The following LIN28B variants were observed in gnomAD, a reference collection of about 807,000 sequenced individuals.
The protein encoded by LIN28B is protein lin-28 homolog B.
Under a neutral mutation model 21.9 loss-of-function variants are expected in LIN28B, and 5 were observed. That is an observed-to-expected ratio of 0.23 (90% CI 0.12 to 0.48). The LOEUF is 0.48. Among genes scored for constraint, LIN28B ranks in the 20% least tolerant of loss-of-function variants. LIN28B has a pLI of 0.98. For synonymous variants in LIN28B, 109 were observed against 111.3 expected, an observed-to-expected ratio of 0.98 and a Z score of 0.13; for missense variants, 245 against 310.5, an observed-to-expected ratio of 0.79 and a Z score of 1.58.
intron 2 of LIN28B, among the ~76,000 whole-genome samples, chr6:104,976,857 T>C (rs2114598883): frequency 6.6e-6 from 1 of 152,326 alleles, no homozygotes. Context: ...GACCAGCTTG[T>C]AGCAGGCAGG....
chr6:104,957,249 A>G lies in LIN28B; in HGVS notation c.-2A>G, dbSNP rs976179896. 4 of 1,611,300 alleles carry G rather than the reference A, an allele frequency of 2.5e-6. No homozygotes were observed. The highest frequency in any genetic ancestry group is 1.1e-5 in the South Asian group (1 of 90,900). ...TTTGGAGCTGAGGGCCCGTGGGGCA[A>G]CATGGCCGAAGGTTAATTTTCTTTT... On this transcript the variant is annotated 5_prime_UTR_variant, in exon 1 of 4. Coordinates refer to ENST00000345080, the MANE Select transcript of LIN28B (RefSeq NM_001004317.4).
At chr6:104,948,312 G>C (rs395523) in intron 2 of LIN28B, among the ~76,000 whole-genome samples, 107,754 of 151,794 alleles carry the variant, frequency 0.71, 38,388 homozygotes, top group African/African-American at 0.76. Context: ...ACTAAAAATA[G>C]AAAAATTAGC....
chr6:105,076,230 T>A (rs1231433488), intron 3 of LIN28B, among the ~76,000 whole-genome samples: 1 of 152,084 alleles, frequency 6.6e-6, no homozygotes. Context: ...GATTTCTTGT[T>A]TTTTTTTCTC....
In LIN28B at chr6:104,958,116, G is replaced by A. The variant is rs367859402; in HGVS notation, c.28G>A (p.Gly10Ser). The change falls in exon 2 of 4, where the codon GGT (glycine) becomes AGT (serine). Residue 10 changes from glycine (G) to serine (S), a missense_variant. Gly to Ser is a moderately conservative substitution (Grantham distance 56). Transcript: ENST00000345080. ...CTTCTCAGGCGGGGCTAGCAAAGGT[G>A]GTGGAGAAGAGCCCGGGAAGCTGCC... MAEGGASKG[G>S]GEEPGKLPEP... 1.3e-6 allele frequency: 2 copies of A among 1,595,920 alleles called. No homozygotes were observed. The highest frequency in any genetic ancestry group is 1.7e-6 in the Non-Finnish European group (2 of 1,167,288).
chr6:105,025,286 C>T (rs1204999840), intron 2 of LIN28B, among the ~76,000 whole-genome samples: 1 of 151,968 alleles, frequency 6.6e-6, no homozygotes, highest in Non-Finnish European at 1.5e-5. Flanking sequence ...GTAAAATGTA[C>T]ACAGAGGGGT....
At chr6:104,976,897 A>G (rs552605490) in intron 2 of LIN28B, among the ~76,000 whole-genome samples, 2 of 152,312 alleles carry the variant, frequency 1.3e-5, no homozygotes, top group Admixed American at 1.3e-4. Flanking sequence ...CTTACCCTGA[A>G]CATTGCTATT....
At chr6:105,019,649 G>A (rs1338235015) in intron 2 of LIN28B, among the ~76,000 whole-genome samples, 1 of 152,054 alleles carries the variant, frequency 6.6e-6, no homozygotes, top group Non-Finnish European at 1.5e-5. Context: ...GTTCTATTAG[G>A]AATCTTGGTT....
intron 2 of LIN28B, among the ~76,000 whole-genome samples, chr6:105,006,952 G>C (rs73521912): frequency 6.6e-6 from 1 of 152,184 alleles, no homozygotes; most frequent in Non-Finnish European, 1.5e-5. Context: ...CGGAAGACAA[G>C]GGTGACCAGA....
At chr6:104,955,981 A>T (rs1405141341), upstream of LIN28B, among the ~76,000 whole-genome samples, 1 of 152,162 alleles carries the variant, frequency 6.6e-6, no homozygotes, top group Non-Finnish European at 1.5e-5. Flanking sequence ...ACTGGGGGTC[A>T]GTTGAGGAAG....
intron 2 of LIN28B, among the ~76,000 whole-genome samples, chr6:105,003,207 G>A (rs1313247141): frequency 1.3e-5 from 2 of 152,160 alleles, no homozygotes; most frequent in African/African-American, 4.8e-5. Context: ...AAACGATCCT[G>A]CCCTTATTCA....
At chr6:105,041,143 C>A (rs932702358) in intron 3 of LIN28B, among the ~76,000 whole-genome samples, 12 of 151,956 alleles carry the variant, frequency 7.9e-5, no homozygotes, top group Non-Finnish European at 1.8e-4. Flanking sequence ...AACTCCTGGG[C>A]TCAAGCAATC....
At chr6:104,959,608 C>T (rs1438736900) in intron 2 of LIN28B, among the ~76,000 whole-genome samples, 1 of 152,164 alleles carries the variant, frequency 6.6e-6, no homozygotes, top group Non-Finnish European at 1.5e-5. Context: ...GAAGGATCAG[C>T]ATAATCTGTG....
intron 2 of LIN28B, among the ~76,000 whole-genome samples, chr6:105,011,093 A>T (rs1770913731): frequency 6.6e-6 from 1 of 152,214 alleles, no homozygotes; most frequent in South Asian, 2.1e-4. Context: ...TCTTTTCAAA[A>T]TGTTTATAAT....
At chr6:104,965,189 C>G (rs1476997295) in intron 2 of LIN28B, among the ~76,000 whole-genome samples, 1 of 152,120 alleles carries the variant, frequency 6.6e-6, no homozygotes, top group Non-Finnish European at 1.5e-5. Context: ...GATGTTAAGG[C>G]TTTTCATTAT....
chr6:104,981,244 C>T (rs975998133), intron 2 of LIN28B, among the ~76,000 whole-genome samples: 2 of 152,142 alleles, frequency 1.3e-5, no homozygotes, highest in African/African-American at 4.8e-5. Context: ...ACTTCTACCC[C>T]CACTCACTCT....
chr6:105,008,745 G>A (rs1021385535), intron 2 of LIN28B, among the ~76,000 whole-genome samples: 3 of 151,968 alleles, frequency 2.0e-5, no homozygotes, highest in Admixed American at 1.3e-4. Flanking sequence ...TCTACATAGC[G>A]GAAGCAGTTG....
At chr6:105,028,026 G>GT (rs1771323162) in intron 3 of LIN28B, among the ~76,000 whole-genome samples, 1 of 152,124 alleles carries the variant, frequency 6.6e-6, no homozygotes, top group Non-Finnish European at 1.5e-5. Context: ...TATTAAAGTG[G>GT]TTTTCTGCTC....
intron 2 of LIN28B, among the ~76,000 whole-genome samples, chr6:104,948,835 A>G (rs978867416): frequency 1.1e-4 from 17 of 152,212 alleles, no homozygotes; most frequent in Admixed American, 1.0e-3. Flanking sequence ...TAAAACTAGT[A>G]TAACCAAGGA....
intron 3 of LIN28B, among the ~76,000 whole-genome samples, chr6:105,030,603 T>C (rs1312364069): frequency 2.0e-4 from 29 of 146,168 alleles, no homozygotes; most frequent in Non-Finnish European, 3.8e-4. Context: ...TTTTTTTTTT[T>C]TTTTTTTTTT....
Sources: gnomAD v4.1 joint callset for allele counts (sites outside exome capture counted in the v4.1 genomes callset) on GRCh38, gnomAD v4.1.1 for gene constraint, MANE v1.5 for transcripts, NCBI Gene and HGNC (gene_info 2026-07-23, HGNC 2026-07-21) for gene names.